Variants in TENM4 observed in about 807,000 individuals in gnomAD.
The protein encoded by TENM4 is teneurin-4.
TENM4 carries 82 observed loss-of-function variants against 243.3 expected under a neutral mutation model. That is an observed-to-expected ratio of 0.34 (90% CI 0.28 to 0.40). TENM4 has a LOEUF of 0.40. TENM4 is among the 10% of genes least tolerant of loss of function. TENM4 has a pLI of 1.00. For missense variants in TENM4, 3,138 were observed against 3,673.3 expected (o/e 0.85, Z 3.77); for synonymous variants, 1,412 against 1,456.3 (o/e 0.97, Z 0.69).
chr11:78,811,943 T>C (rs1226627089), intron 14 of TENM4, among the ~76,000 whole-genome samples, 179 bp downstream of exon 14: 1 of 152,228 alleles, frequency 6.6e-6, no homozygotes, highest in Non-Finnish European at 1.5e-5. Flanking sequence ...AGGACTCCGA[T>C]GTGTTTGGCC....
chr11:78,691,675 T>C (rs184319636), intron 28 of TENM4, among the ~76,000 whole-genome samples: 4 of 152,292 alleles, frequency 2.6e-5, no homozygotes, highest in African/African-American at 9.6e-5. Flanking sequence ...CTAAAGAAGA[T>C]ACAATGAAAA....
At chr11:79,132,594 C>A (rs1204218037) in intron 4 of TENM4, among the ~76,000 whole-genome samples, 1 of 151,848 alleles carries the variant, frequency 6.6e-6, no homozygotes, top group Non-Finnish European at 1.5e-5. Flanking sequence ...ACATGATAGG[C>A]CATAAAATGA....
chr11:79,279,278 C>G (rs1017075465), intron 2 of TENM4, among the ~76,000 whole-genome samples: 1 of 152,122 alleles, frequency 6.6e-6, no homozygotes, highest in Non-Finnish European at 1.5e-5. Context: ...AGAGAGTACT[C>G]CAGGCAGAAG....
chr11:79,428,192 T>C (rs1469956257), intron 1 of TENM4, among the ~76,000 whole-genome samples: 1 of 152,202 alleles, frequency 6.6e-6, no homozygotes, highest in Non-Finnish European at 1.5e-5. Flanking sequence ...TGCATTTCAA[T>C]AAGTTCTCAG....
chr11:79,105,771 G>C (rs1341926458), intron 4 of TENM4, among the ~76,000 whole-genome samples: 1 of 152,192 alleles, frequency 6.6e-6, no homozygotes, highest in Non-Finnish European at 1.5e-5. Flanking sequence ...TGACTAAAGG[G>C]CTGACTCTGA....
chr11:78,798,619 C>T (rs1857214592), intron 15 of TENM4, among the ~76,000 whole-genome samples: 1 of 152,164 alleles, frequency 6.6e-6, no homozygotes, highest in African/African-American at 2.4e-5. Context: ...TGGATCCTGC[C>T]TACCTCTGGC....
intron 1 of TENM4, among the ~76,000 whole-genome samples, chr11:79,308,523 C>A (rs752963877): frequency 6.6e-6 from 1 of 152,184 alleles, no homozygotes; most frequent in Non-Finnish European, 1.5e-5. Flanking sequence ...ACTGCTAATG[C>A]TATTGTGGTT....
intron 9 of TENM4, among the ~76,000 whole-genome samples, chr11:78,873,352 C>T (rs768102236): frequency 1.3e-5 from 2 of 152,208 alleles, no homozygotes; most frequent in Non-Finnish European, 2.9e-5. Flanking sequence ...GGAAGCTATA[C>T]TGTACCAAGC....
In TENM4 at chr11:79,215,905, C is replaced by A. The variant is rs963374703; in HGVS notation, c.-260G>T. 4.1e-6 allele frequency: 4 copies of A among 978,806 alleles called. No homozygotes were observed. The highest frequency in any genetic ancestry group is 4.9e-6 in the Non-Finnish European group (4 of 823,676). 60.6% of individuals were successfully genotyped at this position (978,806 alleles called of 1,614,324 possible). Reference sequence around the variant, plus strand: ...TGGATCCTGGAGGATGGTGCGGGATCTTTTCTGTTGAAGCAGAGAACACAG... The same window carrying A: ...TGGATCCTGGAGGATGGTGCGGGATATTTTCTGTTGAAGCAGAGAACACAG... On this transcript the variant is annotated 5_prime_UTR_variant, in exon 3 of 34. Coordinates refer to ENST00000278550, the MANE Select transcript of TENM4 (RefSeq NM_001098816.3).
chr11:79,230,880 T>C (rs1864360721), intron 2 of TENM4, among the ~76,000 whole-genome samples: 1 of 152,180 alleles, frequency 6.6e-6, no homozygotes, highest in Non-Finnish European at 1.5e-5. Context: ...ACCACATGTT[T>C]ATGGTACAAT....
intron 12 of TENM4, among the ~76,000 whole-genome samples, chr11:78,817,388 T>G (rs938942431): frequency 6.6e-6 from 1 of 152,184 alleles, no homozygotes; most frequent in Non-Finnish European, 1.5e-5. Context: ...ACACAAGCAG[T>G]GCTTTATATT....
chr11:78,713,910 A>G (rs1272358667), intron 25 of TENM4, among the ~76,000 whole-genome samples: 2 of 152,154 alleles, frequency 1.3e-5, no homozygotes, highest in Non-Finnish European at 1.5e-5. Flanking sequence ...GTTCCTGTGC[A>G]TGGTCTGAAC....
chr11:78,887,643 T>C (rs1401651405), intron 9 of TENM4, among the ~76,000 whole-genome samples: 1 of 152,216 alleles, frequency 6.6e-6, no homozygotes, highest in Non-Finnish European at 1.5e-5. Context: ...TGCTTGAATC[T>C]TATTCTAAGT....
intron 4 of TENM4, among the ~76,000 whole-genome samples, chr11:79,117,493 T>C (rs1861647984): frequency 6.6e-6 from 1 of 152,218 alleles, no homozygotes; most frequent in Non-Finnish European, 1.5e-5. Context: ...GGCTGGGCTC[T>C]GAGCACCTGC....
intron 3 of TENM4, among the ~76,000 whole-genome samples, chr11:79,193,491 C>A (rs758670872): frequency 4.6e-5 from 7 of 152,320 alleles, no homozygotes; most frequent in Admixed American, 1.3e-4. Flanking sequence ...GGAGACAAAG[C>A]TTGTGGCCCG....
intron 3 of TENM4, among the ~76,000 whole-genome samples, chr11:79,212,664 C>T (rs557313263): frequency 7.2e-5 from 11 of 152,186 alleles, no homozygotes; most frequent in South Asian, 2.1e-4. Context: ...GAGGTGAGGC[C>T]GTGTGAAGCT....
At chr11:79,128,526 A>G (rs1252032634) in intron 4 of TENM4, among the ~76,000 whole-genome samples, 4 of 152,202 alleles carry the variant, frequency 2.6e-5, no homozygotes, top group Admixed American at 1.3e-4. Flanking sequence ...TCTCTCCCCG[A>G]GCCTGCACCA....
intron 6 of TENM4, among the ~76,000 whole-genome samples, chr11:78,917,318 C>A (rs1393412656): frequency 6.6e-6 from 1 of 152,130 alleles, no homozygotes; most frequent in Non-Finnish European, 1.5e-5. Flanking sequence ...AGCGGCCATC[C>A]AAATCCAGCA....
chr11:78,762,087 T>C (rs1011465753), intron 18 of TENM4, among the ~76,000 whole-genome samples: 1 of 152,214 alleles, frequency 6.6e-6, no homozygotes, highest in Non-Finnish European at 1.5e-5. Flanking sequence ...ATGACCTAGT[T>C]GGCCATTTTG....
Sources: gnomAD v4.1 joint callset for allele counts (sites outside exome capture counted in the v4.1 genomes callset) on GRCh38, gnomAD v4.1.1 for gene constraint, MANE v1.5 for transcripts, NCBI Gene and HGNC (gene_info 2026-07-23, HGNC 2026-07-21) for gene names.